The following SLC16A7 variants were observed in gnomAD, a reference collection of about 807,000 sequenced individuals.
SLC16A7 encodes the protein monocarboxylate transporter 2.
SLC16A7 carries 33 observed loss-of-function variants against 34.9 expected under a neutral mutation model. The observed-to-expected ratio is 0.94, with a 90% CI of 0.72 to 1.26. The LOEUF (loss-of-function observed/expected upper bound fraction) is 1.26, where lower values mean the gene tolerates loss of function less well. SLC16A7 is among the 50% of genes most tolerant of loss of function. SLC16A7 has a pLI of 0.00. For missense variants in SLC16A7, 573 were observed against 578.1 expected (o/e 0.99, Z 0.09); for synonymous variants, 201 against 206.6 (o/e 0.97, Z 0.23).
chr12:59,766,866 C>A (rs1881701048), intron 3 of SLC16A7, among the ~76,000 whole-genome samples: 1 of 151,998 alleles, frequency 6.6e-6, no homozygotes, highest in African/African-American at 2.4e-5. Flanking sequence ...AGGGAGGATT[C>A]CCTCTTTTTC....
rs1052068551 is a variant in SLC16A7 at position 59,783,548 on chromosome 12, T to C, written c.*3869T>C. 4.6e-5 allele frequency: 7 copies of C among 152,154 alleles called. No homozygotes were observed. Among genetic ancestry groups the C allele is most frequent in the East Asian group, 1.9e-4 (1 of 5,196 alleles). 9.4% of individuals were successfully genotyped at this position (152,154 alleles called of 1,614,324 possible). ...AGGTACAAAAAAGATACATCCTATA[T>C]AGTAAAACAATTAGGTTTAACTGTA... On this transcript the variant is annotated 3_prime_UTR_variant, in exon 6 of 6. Transcript: ENST00000547379.
At chr12:59,760,291 A>T (rs550196464) in intron 3 of SLC16A7, among the ~76,000 whole-genome samples, 123 of 152,202 alleles carry the variant, frequency 8.1e-4, no homozygotes, top group African/African-American at 2.8e-3. Flanking sequence ...TTCAAATTTT[A>T]TTAAGCTTAT....
At chr12:59,741,454 A>C (rs1308350625) in intron 3 of SLC16A7, among the ~76,000 whole-genome samples, 1 of 152,160 alleles carries the variant, frequency 6.6e-6, no homozygotes, top group African/African-American at 2.4e-5. Flanking sequence ...TAGGAATAAC[A>C]GGCTTCCTAG....
intron 1 of SLC16A7, among the ~76,000 whole-genome samples, chr12:59,619,382 T>G (rs897678718): frequency 6.6e-6 from 1 of 152,194 alleles, no homozygotes; most frequent in Middle Eastern, 3.4e-3. Flanking sequence ...CGGTTTCAAT[T>G]AAAAGGTTTG....
At chr12:59,645,634 G>A (rs1424598318) in intron 1 of SLC16A7, among the ~76,000 whole-genome samples, 2 of 152,098 alleles carry the variant, frequency 1.3e-5, no homozygotes, top group Admixed American at 6.6e-5. Context: ...ATACCAGCAT[G>A]AGAACAGATT....
At chr12:59,672,549 T>C (rs1266030845) in intron 2 of SLC16A7, among the ~76,000 whole-genome samples, 1 of 152,008 alleles carries the variant, frequency 6.6e-6, no homozygotes, top group Non-Finnish European at 1.5e-5. Context: ...TGCTGTGTTT[T>C]CCTTCTGTTT....
At chr12:59,705,915 G>C (rs865888088) in intron 3 of SLC16A7, among the ~76,000 whole-genome samples, 2 of 151,976 alleles carry the variant, frequency 1.3e-5, no homozygotes, top group Admixed American at 6.6e-5. Context: ...TCTTAGTCAT[G>C]AAAATATAAC....
chr12:59,698,225 T>C (rs184877796), intron 2 of SLC16A7, among the ~76,000 whole-genome samples: 19 of 151,894 alleles, frequency 1.3e-4, no homozygotes, highest in Non-Finnish European at 2.1e-4. Flanking sequence ...TTATAGAATA[T>C]TAACTAGGGA....
chr12:59,619,917 A>C (rs1224342014), intron 1 of SLC16A7, among the ~76,000 whole-genome samples: 1 of 152,042 alleles, frequency 6.6e-6, no homozygotes, highest in East Asian at 1.9e-4. Context: ...CAGTTTTTAC[A>C]GAAAACAATC....
At chr12:59,662,223 A>G (rs1337098368) in intron 2 of SLC16A7, among the ~76,000 whole-genome samples, 2 of 152,120 alleles carry the variant, frequency 1.3e-5, no homozygotes, top group East Asian at 1.9e-4. Context: ...TTTACTCCTC[A>G]GTTACAATGC....
rs574649341 is a variant in SLC16A7 at position 59,613,015 on chromosome 12, C to G, written c.-130+16779C>G. Among the ~76,000 whole-genome samples, 43 of 152,320 alleles carry G rather than the reference C, an allele frequency of 2.8e-4. No individual in the cohort carries two copies. The East Asian group carries it at 4.1e-3, about 14-fold the overall frequency. ...TCCACATATTTGGGGATCTTTACAGCAGCACCCCACTCCTGGTACCAATTT... is the reference window on the plus strand; with the variant it reads ...TCCACATATTTGGGGATCTTTACAGGAGCACCCCACTCCTGGTACCAATTT... On this transcript the variant is annotated intron_variant, in intron 1 of 5. Coordinates refer to ENST00000547379, the MANE Select transcript of SLC16A7 (RefSeq NM_001270623.2).
intron 3 of SLC16A7, among the ~76,000 whole-genome samples, chr12:59,719,321 A>G (rs965807724): frequency 1.2e-4 from 18 of 152,202 alleles, no homozygotes; most frequent in African/African-American, 4.3e-4. Context: ...ATATAATAAA[A>G]CAATATGAAA....
At chr12:59,700,629 CACATAT>C (rs1286284259) in intron 2 of SLC16A7, among the ~76,000 whole-genome samples, 1 of 150,852 alleles carries the variant, frequency 6.6e-6, no homozygotes, top group African/African-American at 2.4e-5. Context: ...GGAACACATA[CACATAT>C]ACATATACAC....
Position 59,690,284 on chromosome 12 carries a change from G to A in SLC16A7, c.-30-14488G>A, listed in dbSNP as rs145919750. Among the ~76,000 whole-genome samples, 87 of 152,060 alleles carry A rather than the reference G, an allele frequency of 5.7e-4. 3 individuals carry two copies. The East Asian group carries it at 0.014, about 25-fold the overall frequency. On this transcript the variant is annotated intron_variant, in intron 2 of 5. Transcript: ENST00000547379. Reference sequence around the variant, plus strand: ...GCTGACTCTCCTTTTCAGGAGGGGAGCACTGTTCAGCACTGTTCAGGCTTC... The same window carrying A: ...GCTGACTCTCCTTTTCAGGAGGGGAACACTGTTCAGCACTGTTCAGGCTTC...
At chr12:59,778,929 T>G (rs569542723) in intron 5 of SLC16A7, among the ~76,000 whole-genome samples, 22 of 152,184 alleles carry the variant, frequency 1.4e-4, no homozygotes, top group Non-Finnish European at 2.2e-4. Context: ...CTTAGGCTAG[T>G]ATGGGGCATA....
At chr12:59,697,566 A>G (rs930823221) in intron 2 of SLC16A7, among the ~76,000 whole-genome samples, 6 of 151,860 alleles carry the variant, frequency 4.0e-5, no homozygotes, top group Admixed American at 2.6e-4. Flanking sequence ...ACTTGTATAT[A>G]CTGTAGTCAA....
Position 59,648,238 on chromosome 12 carries a change from T to C in SLC16A7, c.-129-6914T>C, listed in dbSNP as rs530462088. ...TCCTGCTGAAATTGAAACATATAAATATGTAGTGGTATCAATCTGTACAAT... is the reference window on the plus strand; with the variant it reads ...TCCTGCTGAAATTGAAACATATAAACATGTAGTGGTATCAATCTGTACAAT... On this transcript the variant is annotated intron_variant, in intron 1 of 5. Coordinates refer to ENST00000547379, the MANE Select transcript of SLC16A7 (RefSeq NM_001270623.2). Among the ~76,000 whole-genome samples, 6 of 152,206 alleles carry C rather than the reference T, an allele frequency of 3.9e-5. No individual in the cohort carries two copies. In the South Asian group the frequency reaches 1.0e-3, roughly 26 times the overall value.
chr12:59,778,657 T>C (rs191770594), intron 5 of SLC16A7, among the ~76,000 whole-genome samples: 15 of 151,856 alleles, frequency 9.9e-5, no homozygotes, highest in Admixed American at 9.2e-4. Flanking sequence ...GTCTCAATAA[T>C]CAAGTGGAAT....
chr12:59,662,986 T>C (rs1025279653), intron 2 of SLC16A7, among the ~76,000 whole-genome samples: 2 of 152,062 alleles, frequency 1.3e-5, no homozygotes, highest in African/African-American at 4.8e-5. Context: ...CTTTAAACTT[T>C]TCGAACATGC....
Sources: gnomAD v4.1 joint callset for allele counts (sites outside exome capture counted in the v4.1 genomes callset) on GRCh38, gnomAD v4.1.1 for gene constraint, MANE v1.5 for transcripts, NCBI Gene and HGNC (gene_info 2026-07-23, HGNC 2026-07-21) for gene names.